Variants in IHO1 observed in about 807,000 individuals in gnomAD.
IHO1 encodes interactor of HORMAD1 protein 1.
IHO1 carries 13 observed loss-of-function variants against 31.0 expected under a neutral mutation model. That is an observed-to-expected ratio of 0.42 (90% CI 0.27 to 0.67). The LOEUF is 0.67. Among genes scored for constraint, IHO1 ranks in the 30% least tolerant of loss-of-function variants. The pLI is 0.24. For missense variants in IHO1, 599 were observed against 687.5 expected, an observed-to-expected ratio of 0.87 and a Z score of 1.44; for synonymous variants, 221 against 248.4, an observed-to-expected ratio of 0.89 and a Z score of 1.04.
Position 49,243,487 on chromosome 3 carries a change from G to A in IHO1, c.396-917G>A, listed in dbSNP as rs990325360. Among the ~76,000 whole-genome samples, 3 of 151,996 alleles carry A rather than the reference G, an allele frequency of 2.0e-5. No individual in the cohort carries two copies. The East Asian group carries it at 5.9e-4, about 30-fold the overall frequency. ...TTAAGAACTGGATGTGGCCAGGCGC[G>A]GTGGCTCACGGCTGTAATCCCAGCA... is the stretch of plus-strand genomic sequence containing the variant. On this transcript the variant is annotated intron_variant, in intron 4 of 7. Transcript: ENST00000452691.
chr3:49,232,419 A>G (rs1243660428), intron 2 of IHO1, among the ~76,000 whole-genome samples: 1 of 152,244 alleles, frequency 6.6e-6, no homozygotes, highest in Admixed American at 6.5e-5. Flanking sequence ...CAGAAGCAGA[A>G]CAACTGGTTT....
rs935323815 is a variant in IHO1, at chr3:49,226,700, C to T, written c.57-9848C>T. Among the ~76,000 whole-genome samples the T allele has an allele frequency of 1.2e-4, 18 of 152,250 alleles. No individual in the cohort carries two copies. In the South Asian group the frequency reaches 2.1e-3, roughly 18 times the overall value. On this transcript the variant is annotated intron_variant, in intron 2 of 7. Transcript: ENST00000452691. ...CAAACTCTTGGGCTGCAGCTAAAGC[C>T]GCATTCTTTTCATTAAAGGCCAGGG...
chr3:49,211,498 T>C (rs1010535740), intron 1 of IHO1, among the ~76,000 whole-genome samples: 5 of 152,044 alleles, frequency 3.3e-5, no homozygotes, highest in African/African-American at 7.2e-5. Flanking sequence ...TAGCCAGGTG[T>C]GGTGGCGGGT....
intron 4 of IHO1, among the ~76,000 whole-genome samples, chr3:49,241,851 C>T (rs1362356670): frequency 6.6e-6 from 1 of 151,984 alleles, no homozygotes; most frequent in Non-Finnish European, 1.5e-5. Flanking sequence ...AAACTCCTGA[C>T]CTCAGTTGAT....
At chr3:49,225,382 G>C in intron 2 of IHO1, among the ~76,000 whole-genome samples, 1 of 152,096 alleles carries the variant, frequency 6.6e-6, no homozygotes, top group East Asian at 1.9e-4. Flanking sequence ...AGAATCACTT[G>C]AACCCAGGAG....
At chr3:49,254,081 G>A (rs1032902097) in intron 6 of IHO1, among the ~76,000 whole-genome samples, 3 of 152,088 alleles carry the variant, frequency 2.0e-5, no homozygotes, top group Non-Finnish European at 2.9e-5. Context: ...TGATCTGCCC[G>A]CCTCAGCCTG....
chr3:49,196,141 G>C (rs1202866150), upstream of IHO1, among the ~76,000 whole-genome samples: 3 of 148,524 alleles, frequency 2.0e-5, no homozygotes, highest in Non-Finnish European at 4.5e-5. Context: ...AGGAGGCTGA[G>C]AATGGCATGA....
intron 6 of IHO1, among the ~76,000 whole-genome samples, chr3:49,249,542 A>G (rs1238932757): frequency 1.3e-5 from 2 of 152,212 alleles, no homozygotes; most frequent in Non-Finnish European, 1.5e-5. Flanking sequence ...TGCTGAGATT[A>G]TAGGTGTAAG....
chr3:49,235,430 A>G, intron 2 of IHO1, among the ~76,000 whole-genome samples: 1 of 149,176 alleles, frequency 6.7e-6, no homozygotes, highest in East Asian at 2.1e-4. Context: ...GGGTTTCACC[A>G]TGTTAGCCAG....
intron 6 of IHO1, chr3:49,252,353 CT>C (rs2046770722): frequency 6.5e-6 from 1 of 153,304 alleles, no homozygotes; most frequent in Non-Finnish European, 1.5e-5. Context: ...CCTGGACCCA[CT>C]TTTTAAAAAT....
rs543645952 is a variant in IHO1, at chr3:49,246,382, T to C, written c.532+1649T>C. On this transcript the variant is annotated intron_variant, in intron 6 of 7. Transcript: ENST00000452691. ...TGGGTGGGCCGGGCACAGTGGCTCA[T>C]GCCTATAATCCCAGCACTTTGGGAG... 1.2e-3 allele frequency among the ~76,000 whole-genome samples: 186 copies of C among 151,928 alleles called. 4 individuals carry two copies. In the South Asian group the frequency reaches 0.037, roughly 31 times the overall value.
upstream of IHO1, among the ~76,000 whole-genome samples, chr3:49,194,992 T>C (rs1300302797): frequency 2.0e-5 from 3 of 152,114 alleles, no homozygotes; most frequent in Non-Finnish European, 4.4e-5. Context: ...GGGTCACTCC[T>C]GTAATCCCAG....
intron 1 of IHO1, among the ~76,000 whole-genome samples, chr3:49,205,766 A>ATTT (rs71627374): frequency 4.7e-4 from 54 of 115,284 alleles, no homozygotes; most frequent in South Asian, 8.5e-4. Context: ...CGCCTGGGCA[A>ATTT]TTTTTTTTTT....
At chr3:49,208,800 C>T (rs938595747) in intron 1 of IHO1, among the ~76,000 whole-genome samples, 1 of 152,168 alleles carries the variant, frequency 6.6e-6, no homozygotes, top group Admixed American at 6.5e-5. Flanking sequence ...ATCTAAACAT[C>T]GACATCTCAA....
intron 1 of IHO1, among the ~76,000 whole-genome samples, chr3:49,202,372 C>T (rs1463082958): frequency 7.6e-5 from 11 of 144,108 alleles, no homozygotes; most frequent in Non-Finnish European, 1.6e-4. Context: ...GTCGCCCAGG[C>T]TAGAGTGCAG....
chr3:49,218,861 CCT>C (rs2046319321), intron 2 of IHO1, among the ~76,000 whole-genome samples: 1 of 151,992 alleles, frequency 6.6e-6, no homozygotes, highest in Non-Finnish European at 1.5e-5. Context: ...ATGACAAAAC[CCT>C]GTCTCTACAA....
At chr3:49,255,352 A>G in intron 6 of IHO1, 38 bp from the exon 7 acceptor site, 1 of 1,409,432 alleles carries the variant, frequency 7.1e-7, no homozygotes, top group Non-Finnish European at 9.8e-7. Context: ...TACCATACAT[A>G]GTCTTCAGGA....
chr3:49,246,738 A>C (rs1389507321), intron 6 of IHO1, among the ~76,000 whole-genome samples: 1 of 152,220 alleles, frequency 6.6e-6, no homozygotes, highest in Admixed American at 6.5e-5. Context: ...GAAAAGGGAA[A>C]GGAAGTGCCT....
At chr3:49,232,437 A>C (rs1359496601) in intron 2 of IHO1, among the ~76,000 whole-genome samples, 1 of 152,238 alleles carries the variant, frequency 6.6e-6, no homozygotes, top group Non-Finnish European at 1.5e-5. Context: ...TTTGGTGGAG[A>C]GATCTGATAA....
Sources: allele counts gnomAD v4.1 joint callset (sites outside exome capture counted in the v4.1 genomes callset), GRCh38; gene constraint gnomAD v4.1.1; transcripts MANE v1.5; gene names NCBI Gene and HGNC (gene_info 2026-07-23, HGNC 2026-07-21).